The following ZNF469 variants were observed in gnomAD, a reference collection of about 807,000 sequenced individuals.
The protein encoded by ZNF469 is zinc finger protein 469.
A neutral mutation model predicts 1.0 loss-of-function variants in ZNF469; 1 was observed. The ratio of observed to expected loss-of-function variants is 1.00; its 90% confidence interval spans 0.35 to 4.73. ZNF469 has a LOEUF of 4.73. Among genes scored for constraint, ZNF469 ranks in the 30% most tolerant of loss-of-function variants. The pLI is 0.16. For synonymous variants in ZNF469, 2,703 were observed against 2,363.4 expected, an observed-to-expected ratio of 1.14 and a Z score of -4.17; for missense variants, 6,100 against 5,356.3, an observed-to-expected ratio of 1.14 and a Z score of -4.33.
the ZNF469 span, among the ~76,000 whole-genome samples, chr16:88,202,188 A>C: frequency 1.1e-4 from 16 of 152,134 alleles, no homozygotes; most frequent in African/African-American, 3.9e-4. Flanking sequence ...ACTATTAACC[A>C]GTTATAACAA....
the ZNF469 span, among the ~76,000 whole-genome samples, chr16:88,324,900 G>A: frequency 6.6e-6 from 1 of 152,252 alleles, no homozygotes; most frequent in African/African-American, 2.4e-5. Flanking sequence ...AAGAGGGTTG[G>A]CTCACAGTTC....
chr16:88,133,272 T>C, the ZNF469 span, among the ~76,000 whole-genome samples: 1 of 152,266 alleles, frequency 6.6e-6, no homozygotes, highest in East Asian at 1.9e-4. Context: ...CTTCTGATGA[T>C]TCCCACGGTC....
chr16:88,138,997 C>T, the ZNF469 span, among the ~76,000 whole-genome samples: 1 of 152,130 alleles, frequency 6.6e-6, no homozygotes, highest in Admixed American at 6.5e-5. Flanking sequence ...GGACCCTGTC[C>T]CAATGTAAAC....
the ZNF469 span, among the ~76,000 whole-genome samples, chr16:88,210,615 T>C: frequency 0.01 from 1,576 of 152,372 alleles, 35 homozygotes; most frequent in African/African-American, 0.035. Flanking sequence ...TAGTATGAGA[T>C]ATGAATCTAA....
chr16:88,317,563 G>A, the ZNF469 span, among the ~76,000 whole-genome samples: 2 of 152,328 alleles, frequency 1.3e-5, no homozygotes, highest in East Asian at 1.9e-4. Flanking sequence ...TGGTGCAGAT[G>A]TAGTCTCCAT....
chr16:88,438,334 G>C lies in ZNF469; in HGVS notation c.10864G>C (p.Gly3622Arg), dbSNP rs2142316587. Reference protein sequence around the residue: ...EGKRAPLVFSGKRRAPGARGR... With the variant: ...EGKRAPLVFSRKRRAPGARGR... Reference sequence around the variant, plus strand: ...AAAGAGGGCTCCTCTCGTGTTCTCAGGGAAACGCAGGGCCCCGGGTGCCCG... The same window carrying C: ...AAAGAGGGCTCCTCTCGTGTTCTCACGGAAACGCAGGGCCCCGGGTGCCCG... The change falls in exon 3 of 3, where the codon GGG (glycine) becomes CGG (arginine). Residue 3622 changes from glycine to arginine, a missense_variant. Coordinates refer to ENST00000565624, the MANE Select transcript of ZNF469 (RefSeq NM_001367624.2). 3 of 1,550,216 alleles carry C rather than the reference G, an allele frequency of 1.9e-6. No homozygotes were observed. Among genetic ancestry groups the C allele is most frequent in the Non-Finnish European group, 2.6e-6 (3 of 1,146,952 alleles).
upstream of ZNF469, among the ~76,000 whole-genome samples, chr16:88,378,598 G>C (rs941781333): frequency 4.6e-5 from 7 of 152,156 alleles, no homozygotes; most frequent in African/African-American, 1.7e-4. Context: ...GCTGCTCACA[G>C]ACCCCTGTAT....
chr16:88,136,289 C>G, the ZNF469 span, among the ~76,000 whole-genome samples: 1 of 152,340 alleles, frequency 6.6e-6, no homozygotes, highest in East Asian at 1.9e-4. Flanking sequence ...TCCCATCTGG[C>G]CCGCCCTACA....
rs1302143970 is a variant in ZNF469 at position 88,427,395 on chromosome 16, G to A, written c.-76G>A. On this transcript the variant is annotated 5_prime_UTR_variant, in exon 3 of 3. Coordinates refer to ENST00000565624, the MANE Select transcript of ZNF469 (RefSeq NM_001367624.2). The stretch of plus-strand genomic sequence containing the variant: ...GCTTCCCTGGGGCCCATCGAGGGCT[G>A]AGGATGGCCGTCCAGCCCACTCCCC... 1.4e-6 allele frequency: 2 copies of A among 1,394,686 alleles called. No homozygotes were observed. Among genetic ancestry groups the A allele is most frequent in the South Asian group, 3.0e-5 (2 of 66,202 alleles). 86.4% of individuals were successfully genotyped at this position (1,394,686 alleles called of 1,614,324 possible).
chr16:88,123,053 T>C, the ZNF469 span, among the ~76,000 whole-genome samples: 11 of 152,168 alleles, frequency 7.2e-5, no homozygotes, highest in African/African-American at 9.7e-5. Context: ...CTTTTATTTA[T>C]TTATTTTTGC....
chr16:88,310,790 GGCT>G, the ZNF469 span, among the ~76,000 whole-genome samples: 1 of 152,038 alleles, frequency 6.6e-6, no homozygotes, highest in African/African-American at 2.4e-5. Flanking sequence ...ATTTTGGCCA[GGCT>G]GCTGCTTTTT....
Position 88,439,535 on chromosome 16 carries a change from G to A in ZNF469, c.*203G>A, listed in dbSNP as rs1454686932. 3.2e-6 allele frequency: 2 copies of A among 632,030 alleles called. No homozygotes were observed. Among genetic ancestry groups the A allele is most frequent in the African/African-American group, 1.8e-5 (1 of 54,676 alleles). 39.2% of individuals were successfully genotyped at this position (632,030 alleles called of 1,614,324 possible). A position where few individuals can be genotyped will look rare whatever the true frequency, so the allele number is the denominator to read the frequency against. Reference sequence around the variant, plus strand: ...GCATTCCCTTTCTTGCTGGAAGGCTGGGGGTGAAAGACGGGGCCACTGCAG... The same window carrying A: ...GCATTCCCTTTCTTGCTGGAAGGCTAGGGGTGAAAGACGGGGCCACTGCAG... On this transcript the variant is annotated 3_prime_UTR_variant, in exon 3 of 3. Coordinates refer to ENST00000565624, the MANE Select transcript of ZNF469 (RefSeq NM_001367624.2).
At chr16:88,286,450 C>A in the ZNF469 span, among the ~76,000 whole-genome samples, 1 of 152,234 alleles carries the variant, frequency 6.6e-6, no homozygotes, top group Non-Finnish European at 1.5e-5. Context: ...CCCATCTGAA[C>A]GCCGGGTATT....
rs903232631 is a variant in ZNF469, at chr16:88,434,723, T to A, written c.7253T>A (p.Phe2418Tyr). 1.9e-6 allele frequency: 3 copies of A among 1,550,228 alleles called. No homozygotes were observed. The highest frequency in any genetic ancestry group is 2.6e-6 in the Non-Finnish European group (3 of 1,146,960). ...GCCCCAAGCAGCACAGCCAGTGACT[T>A]CCAGTCTGACTCCCCCCAAAGCCAC... is the stretch of plus-strand genomic sequence containing the variant. Reference protein sequence around the residue: ...TTAPSSTASDFQSDSPQSHRN... With the variant: ...TTAPSSTASDYQSDSPQSHRN... Residue 2418 changes from phenylalanine to tyrosine, a missense_variant, in exon 3 of 3, where the codon TTC becomes TAC. By Grantham distance (22) the Phe-to-Tyr change is conservative. Coordinates refer to ENST00000565624, the MANE Select transcript of ZNF469 (RefSeq NM_001367624.2).
the ZNF469 span, among the ~76,000 whole-genome samples, chr16:88,196,541 C>G: frequency 1.8e-4 from 28 of 152,314 alleles, no homozygotes; most frequent in African/African-American, 6.7e-4. Context: ...AACCCACTTC[C>G]CCTCCAGCCA....
chr16:88,161,632 T>C, the ZNF469 span, among the ~76,000 whole-genome samples: 1 of 152,224 alleles, frequency 6.6e-6, no homozygotes, highest in African/African-American at 2.4e-5. Context: ...CTATAAATTT[T>C]GGTTGCATTT....
chr16:88,355,235 G>A, the ZNF469 span, among the ~76,000 whole-genome samples: 6 of 152,312 alleles, frequency 3.9e-5, no homozygotes, highest in East Asian at 1.9e-4. Flanking sequence ...GAACACCCAT[G>A]GCTGGAGGTG....
the ZNF469 span, among the ~76,000 whole-genome samples, chr16:88,220,960 TCA>T: frequency 3.6e-4 from 55 of 152,258 alleles, no homozygotes; most frequent in African/African-American, 1.2e-3. Context: ...ACTCATCCAC[TCA>T]CTGCCACCAG....
At chr16:88,183,857 C>T in the ZNF469 span, among the ~76,000 whole-genome samples, 3 of 152,238 alleles carry the variant, frequency 2.0e-5, no homozygotes, top group Non-Finnish European at 1.5e-5. Flanking sequence ...CCCACCTTGC[C>T]CGGTGGGTGG....
Sources: gnomAD v4.1 joint callset for allele counts (sites outside exome capture counted in the v4.1 genomes callset) on GRCh38, gnomAD v4.1.1 for gene constraint, MANE v1.5 for transcripts, NCBI Gene and HGNC (gene_info 2026-07-23, HGNC 2026-07-21) for gene names.